OR2L13: variants seen among roughly 807,000 people sequenced by gnomAD.
OR2L13 encodes olfactory receptor 2L13.
In OR2L13, 14 loss-of-function variants were observed where a neutral mutation model predicts 15.3. That is an observed-to-expected ratio of 0.91 (90% CI 0.60 to 1.43). The LOEUF (loss-of-function observed/expected upper bound fraction) is 1.43. OR2L13 is among the 40% of genes most tolerant of loss of function. The probability of loss-of-function intolerance (pLI) is 0.00; values close to 1 mark genes in which losing one functional copy is unlikely to be tolerated. For missense variants in OR2L13, 367 were observed against 387.9 expected (o/e 0.95, Z 0.45); for synonymous variants, 152 against 142.9 (o/e 1.06, Z -0.45).
At chr1:247,941,633 T>C in the OR2L13 span, among the ~76,000 whole-genome samples, 1 of 151,740 alleles carries the variant, frequency 6.6e-6, no homozygotes, top group East Asian at 1.9e-4. Context: ...TGGAGAGAGA[T>C]AGAGAAAAAG....
At chr1:248,065,408 C>A in the OR2L13 span, among the ~76,000 whole-genome samples, 1 of 147,128 alleles carries the variant, frequency 6.8e-6, no homozygotes, top group Non-Finnish European at 1.5e-5. Context: ...GGATGAGTAT[C>A]TTTCTTTTTT....
chr1:248,038,191 C>A, the OR2L13 span: 2 of 1,027,388 alleles, frequency 1.9e-6, no homozygotes, highest in Non-Finnish European at 1.5e-6. Context: ...TGTAATGCAG[C>A]CACTGTGGAT....
chr1:248,012,332 C>T, the OR2L13 span, among the ~76,000 whole-genome samples: 1 of 152,138 alleles, frequency 6.6e-6, no homozygotes, highest in Non-Finnish European at 1.5e-5. Context: ...TCCTGAGATC[C>T]AGACGGCAGA....
chr1:247,969,337 T>A, the OR2L13 span, among the ~76,000 whole-genome samples: 1 of 152,204 alleles, frequency 6.6e-6, no homozygotes, highest in African/African-American at 2.4e-5. Flanking sequence ...GTGCAAAAGC[T>A]CTTTAGTTTA....
chr1:247,993,760 GGGGAGAGAGAGAGAGAGA>G, the OR2L13 span, among the ~76,000 whole-genome samples: 487 of 53,762 alleles, frequency 9.1e-3, 10 homozygotes, highest in African/African-American at 0.03. Context: ...ACAGAGAGAG[GGGGAGAGAGAGAGAGAGA>G]GAGAGAGAGA....
chr1:248,087,757 C>T, the OR2L13 span, among the ~76,000 whole-genome samples: 1 of 152,028 alleles, frequency 6.6e-6, no homozygotes, highest in Non-Finnish European at 1.5e-5. Context: ...ATGTAATGAA[C>T]AAATTTAGCA....
At chr1:248,067,911 A>C in the OR2L13 span, among the ~76,000 whole-genome samples, 3 of 152,196 alleles carry the variant, frequency 2.0e-5, no homozygotes, top group Non-Finnish European at 4.4e-5. Context: ...GCAGTCTGAG[A>C]TCAAACTGCA....
chr1:247,990,675 A>G, the OR2L13 span: 6 of 1,530,220 alleles, frequency 3.9e-6, no homozygotes, highest in South Asian at 6.7e-5. Context: ...TCCGTATGAG[A>G]AAAAGAGTGT....
At chr1:248,082,899 A>G in the OR2L13 span, among the ~76,000 whole-genome samples, 2 of 152,222 alleles carry the variant, frequency 1.3e-5, no homozygotes, top group African/African-American at 2.4e-5. Context: ...CCATAAGTCA[A>G]GGTAACCTTA....
the OR2L13 span, chr1:247,939,798 C>T: frequency 1.3e-5 from 2 of 152,072 alleles, no homozygotes; most frequent in Non-Finnish European, 2.9e-5. Flanking sequence ...TTTTTCAATG[C>T]ATGTCTAAAA....
the OR2L13 span, chr1:247,949,823 A>G: frequency 1.3e-6 from 2 of 1,543,670 alleles, no homozygotes; most frequent in South Asian, 1.2e-5. Flanking sequence ...AGGTCTCAGG[A>G]CTCAGATACA....
intron 2 of OR2L13, 21 bp downstream of exon 2, chr1:248,098,796 G>C (rs1664786935): frequency 6.6e-6 from 1 of 152,494 alleles, no homozygotes; most frequent in South Asian, 2.1e-4. Flanking sequence ...AAGTCACACA[G>C]ATGTTAGAAA....
the OR2L13 span, among the ~76,000 whole-genome samples, chr1:248,050,004 G>A: frequency 1.3e-5 from 2 of 152,034 alleles, no homozygotes; most frequent in African/African-American, 4.8e-5. Context: ...AAATATCAGT[G>A]GCGATACCTA....
At chr1:248,070,319 A>T in the OR2L13 span, among the ~76,000 whole-genome samples, 1 of 151,812 alleles carries the variant, frequency 6.6e-6, no homozygotes, top group Non-Finnish European at 1.5e-5. Flanking sequence ...GGATTAAGAA[A>T]CTCACTCAAA....
the OR2L13 span, among the ~76,000 whole-genome samples, chr1:248,079,054 T>C: frequency 6.6e-6 from 1 of 151,730 alleles, no homozygotes; most frequent in Non-Finnish European, 1.5e-5. Context: ...TGTATCCTGA[T>C]TGGGGCGAAG....
At chr1:248,022,984 CA>C in the OR2L13 span, 815 of 1,099,576 alleles carry the variant, frequency 7.4e-4, no homozygotes, top group Non-Finnish European at 1.0e-3. Flanking sequence ...GTATGTCAAA[CA>C]GAGATTAATC....
At chr1:248,009,553 C>T in the OR2L13 span, among the ~76,000 whole-genome samples, 1 of 151,986 alleles carries the variant, frequency 6.6e-6, no homozygotes, top group Non-Finnish European at 1.5e-5. Flanking sequence ...CCAAAAAAAG[C>T]CCAGGATCAG....
chr1:248,067,809 G>T, the OR2L13 span, among the ~76,000 whole-genome samples: 1 of 152,314 alleles, frequency 6.6e-6, no homozygotes, highest in South Asian at 2.1e-4. Context: ...GCGCTTTTCC[G>T]ACGGGCTTAA....
chr1:248,050,236 C>G, the OR2L13 span, among the ~76,000 whole-genome samples: 1 of 151,262 alleles, frequency 6.6e-6, no homozygotes, highest in Non-Finnish European at 1.5e-5. Flanking sequence ...GTCATTAATG[C>G]TTATGCCTGC....
Sources: gnomAD v4.1 joint callset for allele counts (sites outside exome capture counted in the v4.1 genomes callset) on GRCh38, gnomAD v4.1.1 for gene constraint, MANE v1.5 for transcripts, NCBI Gene and HGNC (gene_info 2026-07-23, HGNC 2026-07-21) for gene names.